The following WDR41 variants were observed in gnomAD, a reference collection of about 807,000 sequenced individuals.
WDR41 encodes WD repeat domain 41.
A neutral mutation model predicts 69.3 loss-of-function variants in WDR41; 63 were observed. That is an observed-to-expected ratio of 0.91 (90% CI 0.74 to 1.12). The LOEUF (loss-of-function observed/expected upper bound fraction) is 1.12, where lower values mean the gene tolerates loss of function less well. WDR41 is among the 50% of genes most tolerant of loss of function. The pLI is 0.00. For synonymous variants in WDR41, 185 were observed against 192.1 expected (o/e 0.96, Z 0.31); for missense variants, 543 against 534.5 (o/e 1.02, Z -0.16).
chr5:77,539,849 A>G (rs1052468945), intron 1 of WDR41, among the ~76,000 whole-genome samples: 7 of 152,206 alleles, frequency 4.6e-5, no homozygotes, highest in Admixed American at 1.3e-4. Context: ...ATTATATCCA[A>G]TGAATATTCC....
chr5:77,602,583 AT>A (rs145117097), intron 1 of WDR41, among the ~76,000 whole-genome samples: 13 of 142,082 alleles, frequency 9.1e-5, no homozygotes, highest in African/African-American at 2.8e-4. Flanking sequence ...AAATGACATG[AT>A]TTTTTTTTCT....
At chr5:77,466,448 G>A (rs755877570) in intron 2 of WDR41, among the ~76,000 whole-genome samples, 31 of 151,904 alleles carry the variant, frequency 2.0e-4, no homozygotes, top group Non-Finnish European at 3.5e-4. Flanking sequence ...GTGTTCTTTG[G>A]TATAAAACAT....
chr5:77,494,962 C>A (rs1166617640), upstream of WDR41, among the ~76,000 whole-genome samples: 1 of 152,080 alleles, frequency 6.6e-6, no homozygotes, highest in African/African-American at 2.4e-5. Flanking sequence ...CTTCTCTGAC[C>A]ACAACAGGAA....
intron 8 of WDR41, among the ~76,000 whole-genome samples, chr5:77,443,264 C>T (rs1372704712): frequency 6.6e-6 from 1 of 152,064 alleles, no homozygotes; most frequent in Non-Finnish European, 1.5e-5. Flanking sequence ...GGTATTATTC[C>T]ACATTAATCG....
At chr5:77,542,630 G>A (rs1358145721) in intron 1 of WDR41, among the ~76,000 whole-genome samples, 1 of 152,202 alleles carries the variant, frequency 6.6e-6, no homozygotes, top group Non-Finnish European at 1.5e-5. Context: ...TAAGCCAGGA[G>A]TGGTATGATT....
intron 1 of WDR41, among the ~76,000 whole-genome samples, chr5:77,513,401 G>A (rs1233376739): frequency 6.6e-6 from 1 of 152,062 alleles, no homozygotes; most frequent in African/African-American, 2.4e-5. Flanking sequence ...TCTATAATGT[G>A]TCTTCTTTCT....
chr5:77,489,066 A>C (rs542677207), intron 2 of WDR41, among the ~76,000 whole-genome samples: 8 of 152,318 alleles, frequency 5.3e-5, no homozygotes, highest in Non-Finnish European at 1.2e-4. Flanking sequence ...CCTTCCACTA[A>C]AAATAAAACA....
intron 1 of WDR41, among the ~76,000 whole-genome samples, chr5:77,563,903 T>C (rs1743568966): frequency 6.6e-6 from 1 of 152,110 alleles, no homozygotes; most frequent in African/African-American, 2.4e-5. Flanking sequence ...GGTAGGTCAG[T>C]TGAAAAATGT....
chr5:77,559,407 G>T (rs1351969744), intron 1 of WDR41, among the ~76,000 whole-genome samples: 2 of 152,066 alleles, frequency 1.3e-5, no homozygotes, highest in Non-Finnish European at 2.9e-5. Flanking sequence ...TAATTTGATT[G>T]TTAATAATTA....
chr5:77,496,552 A>G (rs1212632212), upstream of WDR41, among the ~76,000 whole-genome samples: 1 of 152,106 alleles, frequency 6.6e-6, no homozygotes, highest in African/African-American at 2.4e-5. Context: ...GAATAAATCT[A>G]ACCCTGGAGG....
chr5:77,507,719 G>A (rs1243138591), intron 1 of WDR41, among the ~76,000 whole-genome samples: 2 of 152,256 alleles, frequency 1.3e-5, no homozygotes, highest in South Asian at 2.1e-4. Flanking sequence ...TCTTCTTCAT[G>A]ATGTGACTAG....
chr5:77,563,259 G>T (rs990159124), intron 1 of WDR41, among the ~76,000 whole-genome samples: 1 of 151,990 alleles, frequency 6.6e-6, no homozygotes, highest in Non-Finnish European at 1.5e-5. Context: ...GGTTACGATG[G>T]TCCCTCTCAC....
rs773813400 is a variant in WDR41 at position 77,437,394 on chromosome 5, A to C, written c.1035T>G (p.Ser345Arg). ...RQLISCSEDG[S>R]VRIWELREKQ... is the part of the protein sequence containing the mutation. ...TTTCTCTTAACTCCCAAATGCGTAC[A>C]CTGCCATCTTCTGAGCATGAGATTA... The change falls in exon 11 of 13, where the codon AGT becomes AGG. Residue 345 changes from serine (S) to arginine (R), a missense_variant. Ser to Arg is a moderately radical substitution (Grantham distance 110, BLOSUM62 -1). Transcript: ENST00000296679. 6 of 1,613,964 alleles carry C rather than the reference A, an allele frequency of 3.7e-6. No individual in the cohort carries two copies. The highest frequency in any genetic ancestry group is 5.1e-6 in the Non-Finnish European group (6 of 1,179,906).
At chr5:77,582,617 T>C (rs967695769) in intron 1 of WDR41, 14 of 1,601,184 alleles carry the variant, frequency 8.7e-6, no homozygotes, top group Non-Finnish European at 1.0e-5. Context: ...GCTGGCAACT[T>C]CTATGTACCT....
At chr5:77,545,522 C>T (rs1012381313) in intron 1 of WDR41, 7 of 241,852 alleles carry the variant, frequency 2.9e-5, no homozygotes, top group Non-Finnish European at 5.6e-5. Context: ...AGCCACGGAG[C>T]TTGCGGAGGC....
In WDR41 at chr5:77,438,344, A is replaced by G. The variant is rs762084603; in HGVS notation, c.900T>C (p.Val300=). ...TCDEENVFAA[V]GRGLYVYSLQ... ...GGCTATACACGTATAAACCCCTTCC[A>G]ACTGCAGCAAATACATTCTAGGGGA... The change falls in exon 10 of 13, where the codon GTT becomes GTC. Residue 300 remains valine (V), a synonymous_variant. Transcript: ENST00000296679. 3.7e-6 allele frequency: 6 copies of G among 1,614,002 alleles called. No individual in the cohort carries two copies. The highest frequency in any genetic ancestry group is 5.1e-6 in the Non-Finnish European group (6 of 1,179,870).
chr5:77,553,145 A>T (rs1385992187), intron 1 of WDR41, among the ~76,000 whole-genome samples: 1 of 152,254 alleles, frequency 6.6e-6, no homozygotes, highest in Non-Finnish European at 1.5e-5. Context: ...CATATGCCTT[A>T]GTCCTTTTTT....
At chr5:77,615,576 G>T (rs1245923305) in intron 1 of WDR41, among the ~76,000 whole-genome samples, 1 of 149,264 alleles carries the variant, frequency 6.7e-6, no homozygotes, top group Non-Finnish European at 1.5e-5. Flanking sequence ...GCCTCTCATG[G>T]TCAATACCAT....
chr5:77,439,504 C>T (rs1036407769), intron 9 of WDR41, among the ~76,000 whole-genome samples: 3 of 152,212 alleles, frequency 2.0e-5, no homozygotes, highest in Admixed American at 1.3e-4. Flanking sequence ...GTATTCAATG[C>T]CAAAATCCCC....
Sources: allele counts gnomAD v4.1 joint callset (sites outside exome capture counted in the v4.1 genomes callset), GRCh38; gene constraint gnomAD v4.1.1; transcripts MANE v1.5; gene names NCBI Gene and HGNC (gene_info 2026-07-23, HGNC 2026-07-21).